Variants in ASPH observed in about 807,000 individuals in gnomAD.
ASPH encodes the protein aspartyl/asparaginyl beta-hydroxylase.
ASPH carries 100 observed loss-of-function variants against 118.4 expected under a neutral mutation model. The ratio of observed to expected loss-of-function variants is 0.84; its 90% confidence interval spans 0.72 to 1.00. The LOEUF is 1.00. ASPH is among the 50% of genes least tolerant of loss of function. ASPH has a pLI of 0.00. For synonymous variants in ASPH, 315 were observed against 325.6 expected, an observed-to-expected ratio of 0.97 and a Z score of 0.35; for missense variants, 920 against 919.5, an observed-to-expected ratio of 1.00 and a Z score of -0.01.
At chr8:61,694,452 G>A (rs1287180114) in intron 1 of ASPH, among the ~76,000 whole-genome samples, 2 of 152,172 alleles carry the variant, frequency 1.3e-5, no homozygotes, top group African/African-American at 2.4e-5. Context: ...TTCTGCACAC[G>A]GCTCCAGCAT....
At chr8:61,517,994 A>T (rs1446318153) in intron 23 of ASPH, 38 bp downstream of exon 23, 1 of 1,568,584 alleles carries the variant, frequency 6.4e-7, no homozygotes, top group Non-Finnish European at 8.7e-7. Context: ...TATTCCTAAC[A>T]ATTAATTGTA....
chr8:61,644,414 A>T (rs1806805627), intron 7 of ASPH, among the ~76,000 whole-genome samples, 186 bp downstream of exon 7: 1 of 152,262 alleles, frequency 6.6e-6, no homozygotes. Context: ...GGAACTAGGC[A>T]TCAAAACACA....
At position 61,501,109 on chromosome 8, in the gene ASPH, T is replaced by C. The variant is rs1804830444; in HGVS notation, c.*2250A>G. 1 of 152,212 alleles carries C rather than the reference T, an allele frequency of 6.6e-6. No homozygotes were observed. Among genetic ancestry groups the C allele is most frequent in the Non-Finnish European group, 1.5e-5 (1 of 68,026 alleles). The allele number at this position is 152,212 out of a possible 1,614,324, so 9.4% of individuals were successfully genotyped here. A position where few individuals can be genotyped will look rare whatever the true frequency, so the allele number is the denominator to read the frequency against. Reference sequence around the variant, plus strand: ...CAATATAAATTAAACTAATTCATTTTTGTGTAGACATACGAAATCACAAAA... The same window carrying C: ...CAATATAAATTAAACTAATTCATTTCTGTGTAGACATACGAAATCACAAAA... On this transcript the variant is annotated 3_prime_UTR_variant, in exon 25 of 25. Transcript: ENST00000379454.
intron 3 of ASPH, chr8:61,661,942 GA>G (rs1817125127): frequency 4.4e-6 from 2 of 449,904 alleles, no homozygotes; most frequent in South Asian, 5.1e-5. Flanking sequence ...AAATAAAATT[GA>G]AAGACTTGTT....
intron 1 of ASPH, among the ~76,000 whole-genome samples, chr8:61,708,856 C>G (rs1365730244): frequency 1.3e-5 from 2 of 151,776 alleles, no homozygotes; most frequent in Admixed American, 1.3e-4. Flanking sequence ...TATAACTGGA[C>G]AGCAACCACT....
intron 16 of ASPH, among the ~76,000 whole-genome samples, chr8:61,574,490 C>T (rs542703939): frequency 3.9e-5 from 6 of 152,280 alleles, no homozygotes; most frequent in Middle Eastern, 3.4e-3. Flanking sequence ...AAATGTGGCA[C>T]ATATACACCA....
chr8:61,563,982 G>A (rs1382637944), intron 17 of ASPH, among the ~76,000 whole-genome samples: 1 of 152,156 alleles, frequency 6.6e-6, no homozygotes, highest in East Asian at 1.9e-4. Flanking sequence ...GAGTGAACTT[G>A]CTTTATTCTC....
chr8:61,708,658 C>T (rs1442427909), intron 1 of ASPH, among the ~76,000 whole-genome samples: 1 of 152,138 alleles, frequency 6.6e-6, no homozygotes, highest in Non-Finnish European at 1.5e-5. Context: ...TGAGAAAAGG[C>T]AGTTACAACA....
chr8:61,612,870 A>G (rs1382219331), intron 14 of ASPH, among the ~76,000 whole-genome samples: 1 of 152,222 alleles, frequency 6.6e-6, no homozygotes, highest in Admixed American at 6.5e-5. Flanking sequence ...AAATGTAGCA[A>G]GTATATTTGT....
Position 61,555,984 on chromosome 8 carries a change from G to A in ASPH, c.1476C>T (p.Val492=), listed in dbSNP as rs377640773. 5.0e-5 allele frequency: 81 copies of A among 1,613,882 alleles called. No individual in the cohort carries two copies. The highest frequency in any genetic ancestry group is 1.6e-4 in the Middle Eastern group (1 of 6,082). ...SVTPNDGFAK[V]HYGFILKAQN... ...GTGCCTTCAGGATGAAGCCATAATG[G>A]ACTTTAGCAAAGCCATCATTAGGTG... Residue 492 remains valine (V), a synonymous_variant, in exon 19 of 25, where the codon GTC becomes GTT. Transcript: ENST00000379454.
At chr8:61,691,865 A>G (rs2151796519) in intron 1 of ASPH, among the ~76,000 whole-genome samples, 1 of 152,302 alleles carries the variant, frequency 6.6e-6, no homozygotes, top group South Asian at 2.1e-4. Context: ...CCCAATTTAG[A>G]GCTCGTTTCA....
chr8:61,535,379 CA>C lies in ASPH; in HGVS notation c.1765-9268del, dbSNP rs979802548. 1.1e-3 allele frequency among the ~76,000 whole-genome samples: 169 copies of C among 152,308 alleles called. 1 individual carries two copies. Among genetic ancestry groups the C allele is most frequent in the African/African-American group, 3.5e-3 (144 of 41,576 alleles). On this transcript the variant is annotated intron_variant, in intron 21 of 24. Coordinates refer to ENST00000379454, the MANE Select transcript of ASPH (RefSeq NM_004318.4). Reference sequence around the variant, plus strand: ...GAAATGCAGGAAGAGCTGTTTTTAACATGTGAACAAAACAACTCTTAGGGTT... The same window carrying C: ...GAAATGCAGGAAGAGCTGTTTTTAACTGTGAACAAAACAACTCTTAGGGTT...
intron 24 of ASPH, among the ~76,000 whole-genome samples, chr8:61,513,691 C>A (rs760203830): frequency 3.9e-5 from 6 of 152,170 alleles, no homozygotes; most frequent in Non-Finnish European, 8.8e-5. Flanking sequence ...TTATTATTAT[C>A]AGCAGCTCCA....
intron 14 of ASPH, among the ~76,000 whole-genome samples, chr8:61,614,651 G>C (rs1185316657): frequency 6.6e-6 from 1 of 151,922 alleles, no homozygotes; most frequent in East Asian, 1.9e-4. Context: ...GGTTTTTGTT[G>C]TTGTTGTTGT....
chr8:61,547,981 C>T (rs1824530665), intron 21 of ASPH, 90 bp downstream of exon 21: 12 of 1,436,598 alleles, frequency 8.4e-6, no homozygotes, highest in South Asian at 3.1e-5. Context: ...CTATCTCTTC[C>T]CTGACATTCC....
chr8:61,656,232 T>G (rs1813609655), intron 3 of ASPH: 8 of 152,200 alleles, frequency 5.3e-5, no homozygotes. Context: ...TCGGTTTCGA[T>G]GTTCCTGGGG....
intron 3 of ASPH, chr8:61,663,666 A>G (rs1339429959): frequency 1.3e-5 from 13 of 984,034 alleles, no homozygotes; most frequent in Non-Finnish European, 1.4e-5. Context: ...ATCCTGACTA[A>G]TCAAAACATA....
intron 17 of ASPH, among the ~76,000 whole-genome samples, chr8:61,563,710 AC>A (rs1420782847): frequency 2.6e-5 from 4 of 152,056 alleles, no homozygotes. Flanking sequence ...TCCAACCAGA[AC>A]CCTAGTCATT....
chr8:61,554,741 T>C (rs1827239032), intron 19 of ASPH, among the ~76,000 whole-genome samples: 1 of 152,210 alleles, frequency 6.6e-6, no homozygotes, highest in Non-Finnish European at 1.5e-5. Flanking sequence ...TTTTTAATAT[T>C]ATACACATTT....
Sources: allele counts gnomAD v4.1 joint callset (sites outside exome capture counted in the v4.1 genomes callset), GRCh38; gene constraint gnomAD v4.1.1; transcripts MANE v1.5; gene names NCBI Gene and HGNC (gene_info 2026-07-23, HGNC 2026-07-21).